The following ZFYVE1 variants were observed in gnomAD, a reference collection of about 807,000 sequenced individuals.
ZFYVE1 encodes zinc finger FYVE domain-containing protein 1.
Under a neutral mutation model 74.4 loss-of-function variants are expected in ZFYVE1, and 30 were observed. The observed-to-expected ratio is 0.40, with a 90% CI of 0.30 to 0.55. ZFYVE1 has a LOEUF of 0.55. Among genes scored for constraint, ZFYVE1 ranks in the 20% least tolerant of loss-of-function variants. The pLI is 0.42. For synonymous variants in ZFYVE1, 335 were observed against 385.1 expected, an observed-to-expected ratio of 0.87 and a Z score of 1.52; for missense variants, 703 against 1,011.6, an observed-to-expected ratio of 0.69 and a Z score of 4.14.
At chr14:73,010,815 A>C (rs1251773623) in intron 2 of ZFYVE1, among the ~76,000 whole-genome samples, 7 of 151,162 alleles carry the variant, frequency 4.6e-5, no homozygotes, top group Admixed American at 4.6e-4. Flanking sequence ...CAAAAAAAAA[A>C]ATTATAGAGT....
Position 73,024,805 on chromosome 14 carries a change from G to A in ZFYVE1, c.-297C>T. 1 of 313,846 alleles carries A rather than the reference G, an allele frequency of 3.2e-6. No homozygotes were observed. Among genetic ancestry groups the A allele is most frequent in the Middle Eastern group, 9.8e-4 (1 of 1,024 alleles). The allele number at this position is 313,846 out of a possible 1,614,324, so 19.4% of individuals were successfully genotyped here. On this transcript the variant is annotated 5_prime_UTR_variant, in exon 2 of 12. Coordinates refer to ENST00000556143, the MANE Select transcript of ZFYVE1 (RefSeq NM_021260.4). Reference sequence around the variant, plus strand: ...AATTGACTTGGAAGGGTCTTTTATGGCTATCTGAGAGAGGTCTGATGGGTT... The same window carrying A: ...AATTGACTTGGAAGGGTCTTTTATGACTATCTGAGAGAGGTCTGATGGGTT...
At chr14:73,010,571 G>A (rs1050333538) in intron 2 of ZFYVE1, among the ~76,000 whole-genome samples, 8 of 151,722 alleles carry the variant, frequency 5.3e-5, no homozygotes, top group Admixed American at 2.6e-4. Flanking sequence ...TTGCACTCCA[G>A]CCTGGGCAAC....
intron 2 of ZFYVE1, among the ~76,000 whole-genome samples, chr14:73,002,572 A>T (rs1243483640): frequency 6.6e-6 from 1 of 151,748 alleles, no homozygotes; most frequent in Non-Finnish European, 1.5e-5. Flanking sequence ...ACTCCCGAGT[A>T]GCTGGGATTA....
At chr14:73,022,012 G>GGCAAC (rs1337357474) in intron 2 of ZFYVE1, among the ~76,000 whole-genome samples, 1 of 152,144 alleles carries the variant, frequency 6.6e-6, no homozygotes, top group African/African-American at 2.4e-5. Context: ...TGACAAAAGT[G>GGCAAC]GCAACAACCA....
intron 4 of ZFYVE1, among the ~76,000 whole-genome samples, chr14:72,991,480 C>T (rs1395993004): frequency 2.6e-5 from 4 of 151,312 alleles, no homozygotes; most frequent in African/African-American, 7.2e-5. Flanking sequence ...TGAGCCACCG[C>T]GCCCGGCCCC....
chr14:73,006,524 G>A (rs943080481), intron 2 of ZFYVE1, among the ~76,000 whole-genome samples: 3 of 151,502 alleles, frequency 2.0e-5, no homozygotes, highest in Non-Finnish European at 4.4e-5. Flanking sequence ...GCAGTGAGCC[G>A]AGATTGCACC....
At chr14:73,021,354 AAAATAAATAAATAAATAAAT>A (rs71109783) in intron 2 of ZFYVE1, among the ~76,000 whole-genome samples, 7 of 147,528 alleles carry the variant, frequency 4.7e-5, no homozygotes, top group Non-Finnish European at 8.9e-5. Context: ...TCTCAAAATA[AAAATAAATAAATAAATAAAT>A]AAATAAATAA....
At chr14:72,998,797 G>A (rs1398223613) in intron 2 of ZFYVE1, among the ~76,000 whole-genome samples, 2 of 151,364 alleles carry the variant, frequency 1.3e-5, no homozygotes, top group East Asian at 1.9e-4. Context: ...GCTGCAGTGA[G>A]CTATGACAGT....
intron 8 of ZFYVE1, among the ~76,000 whole-genome samples, chr14:72,976,207 T>TGAAG (rs138557601): frequency 1.3e-4 from 20 of 152,102 alleles, no homozygotes; most frequent in East Asian, 7.7e-4. Flanking sequence ...GAATAATGAA[T>TGAAG]GAAGGAAGGA....
chr14:73,015,235 AGG>A (rs1894165755), intron 2 of ZFYVE1, among the ~76,000 whole-genome samples: 2 of 13,698 alleles, frequency 1.5e-4, no homozygotes, highest in Non-Finnish European at 1.5e-4. Flanking sequence ...ATCTGAAGGA[AGG>A]AAGGAAGGAA....
chr14:72,973,304 C>T (rs1893082835), intron 11 of ZFYVE1, among the ~76,000 whole-genome samples: 1 of 152,002 alleles, frequency 6.6e-6, no homozygotes, highest in Non-Finnish European at 1.5e-5. Context: ...GCCTGGTCAA[C>T]ATGGTGAAAC....
At position 73,024,147 on chromosome 14, in the gene ZFYVE1, T is replaced by C. The variant is rs2140394239; in HGVS notation, c.362A>G (p.Tyr121Cys). The C allele has an allele frequency of 2.5e-6, 4 of 1,614,194 alleles. No homozygotes were observed. Among genetic ancestry groups the C allele is most frequent in the Non-Finnish European group, 3.4e-6 (4 of 1,180,032 alleles). ...TGACTCCTGGAGATTACTGACATTG[T>C]ACACAGTAACAGGGTGTCTCCTTTT... Reference protein sequence around the residue: ...GNKRRHPVTVYNVSNLQESLE... With the variant: ...GNKRRHPVTVCNVSNLQESLE... The change falls in exon 2 of 12, where the codon TAC becomes TGC. Residue 121 changes from tyrosine to cysteine, a missense_variant. Around this residue, in one of 2 missense-constraint regions of ZFYVE1, gnomAD observed 211 missense variants for 221.7 expected, o/e 0.95. Transcript: ENST00000556143.
At chr14:72,974,441 G>A (rs1050745986) in intron 10 of ZFYVE1, among the ~76,000 whole-genome samples, 3 of 152,204 alleles carry the variant, frequency 2.0e-5, no homozygotes, top group Non-Finnish European at 4.4e-5. Context: ...AAGGCAGAAA[G>A]GTTCTAGGAG....
chr14:72,998,161 G>A lies in ZFYVE1; in HGVS notation c.638C>T (p.Thr213Ile). Residue 213 changes from threonine (T) to isoleucine (I), a missense_variant, in exon 3 of 12, where the codon ACC becomes ATC. This residue lies in a region of ZFYVE1 where 492 missense variants were observed against 790.0 expected (regional missense o/e 0.62). Coordinates refer to ENST00000556143, the MANE Select transcript of ZFYVE1 (RefSeq NM_021260.4). Reference protein sequence around the residue: ...YGREVFKTSPTQESCTVGVWA... With the variant: ...YGREVFKTSPIQESCTVGVWA... ...CACTCCCACAGTGCAGGACTCCTGGGTCGGGGAGGTTTTAAAGACTTCACG... is the reference window on the plus strand; with the variant it reads ...CACTCCCACAGTGCAGGACTCCTGGATCGGGGAGGTTTTAAAGACTTCACG... The A allele has an allele frequency of 1.2e-6, 2 of 1,614,078 alleles. No homozygotes were observed. Among genetic ancestry groups the A allele is most frequent in the Non-Finnish European group, 1.7e-6 (2 of 1,180,004 alleles).
At chr14:72,984,200 A>AT (rs1567349370) in intron 4 of ZFYVE1, among the ~76,000 whole-genome samples, 1 of 152,140 alleles carries the variant, frequency 6.6e-6, no homozygotes. Context: ...CAAATAATGC[A>AT]TAAGTCCTAT....
rs371084001 is a variant in ZFYVE1, at chr14:73,009,014, G to A, written c.484-10699C>T. Among the ~76,000 whole-genome samples the A allele has an allele frequency of 2.6e-5, 4 of 152,298 alleles. No homozygotes were observed. The East Asian group carries it at 5.8e-4, about 22-fold the overall frequency. On this transcript the variant is annotated intron_variant, in intron 2 of 11. Transcript: ENST00000556143. ...ACACCCCAACTAGAATGTACTCCAGGCTGGCAGAGATATGGTCTGTGTTGT... is the reference window on the plus strand; with the variant it reads ...ACACCCCAACTAGAATGTACTCCAGACTGGCAGAGATATGGTCTGTGTTGT...
intron 11 of ZFYVE1, among the ~76,000 whole-genome samples, chr14:72,972,724 T>C (rs1594827362): frequency 6.6e-6 from 1 of 151,728 alleles, no homozygotes; most frequent in East Asian, 1.9e-4. Flanking sequence ...TTTTTTTTTT[T>C]TGAGACAGAG....
chr14:72,991,523 G>A (rs926928638), intron 4 of ZFYVE1, among the ~76,000 whole-genome samples: 1 of 152,054 alleles, frequency 6.6e-6, no homozygotes, highest in Non-Finnish European at 1.5e-5. Context: ...ATCTGGGTTA[G>A]CTTCCAGAAG....
chr14:72,983,650 C>T (rs1420310207), intron 4 of ZFYVE1, among the ~76,000 whole-genome samples: 5 of 151,892 alleles, frequency 3.3e-5, no homozygotes, highest in African/African-American at 9.7e-5. Context: ...TGAATAGTGC[C>T]GCAATAAACA....
Sources: gnomAD v4.1 joint callset for allele counts (sites outside exome capture counted in the v4.1 genomes callset) on GRCh38, gnomAD v4.1.1 for gene constraint, gnomAD v4.1.1 regional missense constraint, MANE v1.5 for transcripts, NCBI Gene and HGNC (gene_info 2026-07-23, HGNC 2026-07-21) for gene names.